The following CTSH variants were observed in gnomAD, a reference collection of about 807,000 sequenced individuals.
CTSH encodes the protein cathepsin H.
CTSH carries 52 observed loss-of-function variants against 56.3 expected under a neutral mutation model. The observed-to-expected ratio is 0.92, with a 90% CI of 0.74 to 1.16. CTSH has a LOEUF of 1.16. Among genes scored for constraint, CTSH ranks in the 50% most tolerant of loss-of-function variants. CTSH has a pLI of 0.00. For missense variants in CTSH, 406 were observed against 424.5 expected, an observed-to-expected ratio of 0.96 and a Z score of 0.38; for synonymous variants, 174 against 155.7, an observed-to-expected ratio of 1.12 and a Z score of -0.88.
intron 1 of CTSH, among the ~76,000 whole-genome samples, chr15:78,941,227 C>A (rs1219499804): frequency 1.3e-5 from 2 of 150,100 alleles, no homozygotes; most frequent in African/African-American, 4.9e-5. Context: ...GAGTTTGAGA[C>A]CAGCCTGGCC....
intron 5 of CTSH, chr15:78,933,725 A>C (rs2055115041): frequency 3.4e-6 from 1 of 290,414 alleles, no homozygotes; most frequent in East Asian, 8.5e-5. Context: ...TTTGTCACTT[A>C]CTTACCTTGG....
chr15:78,933,642 A>G, intron 5 of CTSH: 1 of 396,364 alleles, frequency 2.5e-6, no homozygotes, highest in Non-Finnish European at 5.2e-6. Context: ...GACTAAGCTC[A>G]CTGCTGAAGG....
intron 6 of CTSH, chr15:78,931,927 T>C: frequency 8.5e-7 from 1 of 1,178,910 alleles, no homozygotes; most frequent in Non-Finnish European, 1.1e-6. Flanking sequence ...TGTCCCTCCT[T>C]TCTCCACAGA....
At chr15:78,929,564 G>T in intron 7 of CTSH, 71 bp from the exon 8 acceptor site, 1 of 1,088,092 alleles carries the variant, frequency 9.2e-7, no homozygotes, top group Non-Finnish European at 1.3e-6. Context: ...GGGGACTGGC[G>T]TGGCGAGATA....
chr15:78,942,458 C>T (rs2055316329), intron 1 of CTSH, among the ~76,000 whole-genome samples: 1 of 152,104 alleles, frequency 6.6e-6, no homozygotes, highest in South Asian at 2.1e-4. Flanking sequence ...GGTGATCCAC[C>T]CACCTTGGCC....
At chr15:78,937,004 C>A (rs986356246) in intron 3 of CTSH, 3 of 324,642 alleles carry the variant, frequency 9.2e-6, no homozygotes, top group African/African-American at 6.5e-5. Flanking sequence ...CATGAGCAAC[C>A]CCTACCCCCC....
chr15:78,933,822 G>C (rs1489212089), intron 5 of CTSH, among the ~76,000 whole-genome samples: 1 of 152,222 alleles, frequency 6.6e-6, no homozygotes, highest in African/African-American at 2.4e-5. Flanking sequence ...TGGACGCTGT[G>C]GCTGCTGTCC....
Position 78,944,991 on chromosome 15 carries a change from G to A in CTSH, c.-10C>T, listed in dbSNP as rs1438827114. 2 of 1,528,092 alleles carry A rather than the reference G, an allele frequency of 1.3e-6. No homozygotes were observed. Among genetic ancestry groups the A allele is most frequent in the African/African-American group, 1.4e-5 (1 of 71,446 alleles). 94.7% of individuals were successfully genotyped at this position (1,528,092 alleles called of 1,614,324 possible). On this transcript the variant is annotated 5_prime_UTR_variant, in exon 1 of 12. Transcript: ENST00000220166. ...GCAGCGTGGCCCACATCGCAGCGCT[G>A]GCGGCTTGGCTCTTGCGCTCAGGGT...
intron 2 of CTSH, chr15:78,937,626 T>C: frequency 9.4e-7 from 1 of 1,062,970 alleles, no homozygotes; most frequent in Non-Finnish European, 1.2e-6. Flanking sequence ...GTGGCCAGAA[T>C]GAAGACCATG....
intron 7 of CTSH, 134 bp from the exon 8 acceptor site, chr15:78,929,627 G>C: frequency 1.7e-6 from 1 of 587,426 alleles, no homozygotes. Context: ...GGCAGAGGGG[G>C]TCTCTGAGAG....
At chr15:78,935,540 G>T (rs1443598092) in intron 4 of CTSH, 140 bp downstream of exon 4, 3 of 664,932 alleles carry the variant, frequency 4.5e-6, no homozygotes, top group Non-Finnish European at 7.6e-6. Context: ...GACTCTTCTG[G>T]TTCCCCCAAA....
At position 78,924,799 on chromosome 15, in the gene CTSH, T is replaced by C. The variant is rs188119343; in HGVS notation, c.806+535A>G. Among the ~76,000 whole-genome samples, 3 of 151,862 alleles carry C rather than the reference T, an allele frequency of 2.0e-5. No homozygotes were observed. In the East Asian group the frequency reaches 5.8e-4, roughly 29 times the overall value. ...CCACCTCCTAGGTTCAAGCCATTCT[T>C]GTGTCTCAGCCTCCCGAGTAGCTGG... On this transcript the variant is annotated intron_variant, in intron 10 of 11. Coordinates refer to ENST00000220166, the MANE Select transcript of CTSH (RefSeq NM_004390.5).
rs140928437 is a variant in CTSH at position 78,923,037 on chromosome 15, G to A, written c.888C>T (p.Tyr296=). ...GACCCCAAGAGTTTTTCACGATCCAGTAAGGGATCCCATTTTTTTCTCCAT... is the reference window on the plus strand; with the variant it reads ...GACCCCAAGAGTTTTTCACGATCCAATAAGGGATCCCATTTTTTTCTCCAT... ...VGYGEKNGIP[Y]WIVKNSWGPQ... is the part of the protein sequence containing the mutation. The change falls in exon 11 of 12, where the codon TAC becomes TAT. Residue 296 remains tyrosine, a synonymous_variant. Transcript: ENST00000220166. 100 of 1,613,306 alleles carry A rather than the reference G, an allele frequency of 6.2e-5. No individual in the cohort carries two copies. In the African/African-American group the frequency reaches 9.9e-4, roughly 16 times the overall value.
intron 7 of CTSH, 50 bp downstream of exon 7, chr15:78,931,401 G>C (rs376540440): frequency 5.6e-6 from 9 of 1,610,432 alleles, no homozygotes; most frequent in African/African-American, 2.7e-5. Flanking sequence ...CTGTCGAAGC[G>C]GTCAGTGGGA....
Position 78,937,408 on chromosome 15 carries a change from T to C in CTSH, c.139A>G (p.Ser47Gly), listed in dbSNP as rs2055198941. 1.2e-6 allele frequency: 2 copies of C among 1,614,154 alleles called. No individual in the cohort carries two copies. The highest frequency in any genetic ancestry group is 1.7e-6 in the Non-Finnish European group (2 of 1,179,992). The part of the protein sequence containing the change: ...SWMSKHRKTY[S>G]TEEYHHRLQT... ...AGCCTGTGGTGGTACTCCTCCGTAC[T>C]GTAGGTCTTACGGTGCTAAAACAAA... Residue 47 changes from serine to glycine, a missense_variant, in exon 3 of 12, where the codon AGT becomes GGT. Transcript: ENST00000220166.
At chr15:78,930,457 G>T (rs2055027491) in intron 7 of CTSH, among the ~76,000 whole-genome samples, 1 of 152,066 alleles carries the variant, frequency 6.6e-6, no homozygotes, top group Non-Finnish European at 1.5e-5. Context: ...AACCCGGGAG[G>T]CGGAGCTTGC....
intron 2 of CTSH, 105 bp from the exon 3 acceptor site, chr15:78,937,528 T>G: frequency 7.3e-7 from 1 of 1,363,958 alleles, no homozygotes; most frequent in East Asian, 2.4e-5. Context: ...TTCTTTCTGC[T>G]ATGATTCTCA....
chr15:78,929,185 C>T (rs897157814), intron 8 of CTSH, among the ~76,000 whole-genome samples: 1 of 151,902 alleles, frequency 6.6e-6, no homozygotes, highest in Non-Finnish European at 1.5e-5. Context: ...GAGATGGTGC[C>T]GCAGAGCGGG....
At chr15:78,932,091 T>C in intron 6 of CTSH, 1 of 1,265,670 alleles carries the variant, frequency 7.9e-7, no homozygotes, top group Non-Finnish European at 1.0e-6. Flanking sequence ...AGGCTCCGCC[T>C]TTCTGAACCC....
Sources: allele counts gnomAD v4.1 joint callset (sites outside exome capture counted in the v4.1 genomes callset), GRCh38; gene constraint gnomAD v4.1.1; transcripts MANE v1.5; gene names NCBI Gene and HGNC (gene_info 2026-07-23, HGNC 2026-07-21).